ZXDC: variants seen among roughly 807,000 people sequenced by gnomAD.
The protein encoded by ZXDC is zinc finger protein ZXDC.
ZXDC carries 58 observed loss-of-function variants against 63.6 expected under a neutral mutation model. That is an observed-to-expected ratio of 0.91 (90% CI 0.74 to 1.13). The LOEUF (loss-of-function observed/expected upper bound fraction) is 1.13, where lower values mean the gene tolerates loss of function less well. Among genes scored for constraint, ZXDC ranks in the 50% most tolerant of loss-of-function variants. The pLI is 0.00. For missense variants in ZXDC, 1,133 were observed against 1,148.9 expected (o/e 0.99, Z 0.20); for synonymous variants, 561 against 496.1 (o/e 1.13, Z -1.74).
chr3:126,450,261 G>A (rs1934046121), intron 7 of ZXDC: 1 of 448,802 alleles, frequency 2.2e-6, no homozygotes, highest in Non-Finnish European at 4.5e-6. Context: ...GTAAGGGTCA[G>A]TGGTGTGGAG....
At chr3:126,451,392 A>AGTCCCGCACTGAGCAGCAGCAGCATGTG (rs1260903381) in intron 7 of ZXDC, 1 of 985,300 alleles carries the variant, frequency 1.0e-6, no homozygotes, top group East Asian at 1.1e-4. Context: ...TATTATAAAC[A>AGTCCCGCACTGAGCAGCAGCAGCATGTG]GTCCCGCACT....
Position 126,448,584 on chromosome 3 carries a change from C to T in ZXDC, c.2213-6638G>A, listed in dbSNP as rs993301035. Among the ~76,000 whole-genome samples, 3 of 152,202 alleles carry T rather than the reference C, an allele frequency of 2.0e-5. No individual in the cohort carries two copies. The South Asian group carries it at 6.2e-4, about 32-fold the overall frequency. On this transcript the variant is annotated intron_variant, in intron 7 of 9. Transcript: ENST00000389709. Reference sequence around the variant, plus strand: ...ATCCCGGGCAGGCACCAGGGCATGGCACGGCCATGCACTAAGAAGCAAGCA... The same window carrying T: ...ATCCCGGGCAGGCACCAGGGCATGGTACGGCCATGCACTAAGAAGCAAGCA...
chr3:126,459,792 C>T, intron 6 of ZXDC, 55 bp from the exon 7 acceptor site: 2 of 1,613,750 alleles, frequency 1.2e-6, no homozygotes, highest in South Asian at 2.2e-5. Context: ...GGAAGGGTAG[C>T]AAGGGAGCTA....
intron 8 of ZXDC, chr3:126,440,475 G>C: frequency 1.0e-6 from 1 of 985,444 alleles, no homozygotes; most frequent in Non-Finnish European, 1.2e-6. Context: ...TCAAACCCAG[G>C]TTTAATCAGG....
At chr3:126,440,171 G>C in intron 8 of ZXDC, 1 of 1,003,766 alleles carries the variant, frequency 1.0e-6, no homozygotes, top group South Asian at 4.3e-5. Flanking sequence ...GAAGGACCAG[G>C]GCAGGTAGAG....
intron 7 of ZXDC, among the ~76,000 whole-genome samples, chr3:126,456,458 G>A (rs1934310855): frequency 6.6e-6 from 1 of 152,258 alleles, no homozygotes. Context: ...CAGACAGTGA[G>A]TCTCAGGTGG....
intron 7 of ZXDC, chr3:126,452,451 C>A (rs1934144379): frequency 1.0e-6 from 1 of 985,442 alleles, no homozygotes; most frequent in South Asian, 4.7e-5. Flanking sequence ...GCTGTTGCCA[C>A]TCTCGTTCCT....
At chr3:126,453,274 T>G in intron 7 of ZXDC, 3 of 985,482 alleles carry the variant, frequency 3.0e-6, no homozygotes, top group Non-Finnish European at 3.6e-6. Flanking sequence ...ATTTACTTAA[T>G]GCTTTTTTTA....
rs960674822 is a variant in ZXDC, at chr3:126,471,009, G to A, written c.1156C>T (p.Arg386Trp). The change falls in exon 4 of 10, where the codon CGG (arginine) becomes TGG (tryptophan). Residue 386 changes from arginine to tryptophan, a missense_variant. Coordinates refer to ENST00000389709, the MANE Select transcript of ZXDC (RefSeq NM_025112.5). ...LRHRRKHDDDRRFTCPVEGCG... is the reference protein window; with the variant it reads ...LRHRRKHDDDWRFTCPVEGCG... ...CCCTCGACAGGGCAGGTAAACCTCC[G>A]GTCATCGTCATGTTTCCTGCCAGAC... 3.7e-6 allele frequency: 6 copies of A among 1,613,872 alleles called. No individual in the cohort carries two copies. The highest frequency in any genetic ancestry group is 4.5e-5 in the East Asian group (2 of 44,898).
intron 1 of ZXDC, among the ~76,000 whole-genome samples, chr3:126,472,839 T>G (rs562083956): frequency 6.6e-6 from 1 of 152,288 alleles, no homozygotes; most frequent in East Asian, 1.9e-4. Context: ...CTTTCGCAAT[T>G]TCCTTAGGTT....
intron 7 of ZXDC, among the ~76,000 whole-genome samples, chr3:126,457,989 A>T (rs1416555481): frequency 2.0e-5 from 3 of 152,238 alleles, no homozygotes; most frequent in Non-Finnish European, 4.4e-5. Context: ...CAGTTTCTTC[A>T]ACAAAAACCA....
At chr3:126,461,513 G>T in intron 6 of ZXDC, 22 bp downstream of exon 6, 1 of 1,590,028 alleles carries the variant, frequency 6.3e-7, no homozygotes, top group South Asian at 1.1e-5. Context: ...ATATGGTGGT[G>T]ACTGAATAGA....
In ZXDC at chr3:126,461,926, T is replaced by C. The variant is rs1465356876; in HGVS notation, c.1736A>G (p.Asp579Gly). 1 of 1,614,090 alleles carries C rather than the reference T, an allele frequency of 6.2e-7. No homozygotes were observed. Among genetic ancestry groups the C allele is most frequent in the East Asian group, 2.2e-5 (1 of 44,872 alleles). Residue 579 changes from aspartate to glycine, a missense_variant, in exon 6 of 10, where the codon GAC (aspartate) becomes GGC (glycine). Physicochemically the swap from Asp to Gly is moderately conservative, Grantham distance 94. Coordinates refer to ENST00000389709, the MANE Select transcript of ZXDC (RefSeq NM_025112.5). ...VAHSDIPPSL[D>G]SPLVLGTAAT... Reference sequence around the variant, plus strand: ...TGCTGTCCCGAGAACCAGAGGGCTGTCCAGGCTTGGGGGAATATCACTGTG... The same window carrying C: ...TGCTGTCCCGAGAACCAGAGGGCTGCCCAGGCTTGGGGGAATATCACTGTG...
At chr3:126,450,632 C>T (rs770020500) in intron 7 of ZXDC, 5 of 425,442 alleles carry the variant, frequency 1.2e-5, no homozygotes, top group African/African-American at 1.0e-4. Context: ...ACCCGCATCT[C>T]CCTTCCTGCT....
At chr3:126,458,816 T>G (rs1466238077) in intron 7 of ZXDC, 2 of 985,354 alleles carry the variant, frequency 2.0e-6, no homozygotes, top group Non-Finnish European at 2.4e-6. Context: ...TCTGGTACTT[T>G]GTGAACTGTT....
intron 7 of ZXDC, chr3:126,459,092 C>T (rs1219865194): frequency 2.0e-6 from 2 of 985,320 alleles, no homozygotes; most frequent in African/African-American, 3.5e-5. Context: ...TTCCATTAAG[C>T]ACTACATCCC....
intron 3 of ZXDC, among the ~76,000 whole-genome samples, chr3:126,471,564 A>C (rs190159842): frequency 6.6e-6 from 1 of 152,316 alleles, no homozygotes; most frequent in African/African-American, 2.4e-5. Flanking sequence ...TAAGAACATT[A>C]GCTTTGAGGT....
At chr3:126,451,732 C>T in intron 7 of ZXDC, 1 of 985,400 alleles carries the variant, frequency 1.0e-6, no homozygotes, top group Non-Finnish European at 1.2e-6. Flanking sequence ...CCTTCTGCAC[C>T]ATGATCTCAC....
intron 5 of ZXDC, among the ~76,000 whole-genome samples, chr3:126,464,320 G>A (rs1389529710): frequency 1.3e-5 from 2 of 152,184 alleles, no homozygotes; most frequent in African/African-American, 4.8e-5. Flanking sequence ...TTGCAGGTGT[G>A]ACCCTGGCAA....
Sources: allele counts gnomAD v4.1 joint callset (sites outside exome capture counted in the v4.1 genomes callset), GRCh38; gene constraint gnomAD v4.1.1; transcripts MANE v1.5; gene names NCBI Gene and HGNC (gene_info 2026-07-23, HGNC 2026-07-21).